The following TPRG1 variants were observed in gnomAD, a reference collection of about 807,000 sequenced individuals.
TPRG1 encodes tumor protein p63 regulated 1, also known as tumor protein p63-regulated gene 1 protein.
In TPRG1, 29 loss-of-function variants were observed where a neutral mutation model predicts 29.3. The observed-to-expected ratio is 0.99, with a 90% CI of 0.74 to 1.35. The LOEUF is 1.35. Ranked by LOEUF, TPRG1 falls within the 40% of genes most tolerant of loss-of-function variation. The pLI, the probability that TPRG1 is intolerant of heterozygous loss-of-function variation, is 0.00. For missense variants in TPRG1, 327 were observed against 335.0 expected (o/e 0.98, Z 0.19); for synonymous variants, 130 against 116.8 (o/e 1.11, Z -0.73).
chr3:189,300,902 A>G (rs1170676466), intron 4 of TPRG1, among the ~76,000 whole-genome samples: 1 of 152,214 alleles, frequency 6.6e-6, no homozygotes, highest in Non-Finnish European at 1.5e-5. Context: ...ATCTGGTTGT[A>G]AATCCTGGCT....
chr3:189,219,586 G>T (rs974920927), intron 3 of TPRG1: 1 of 1,285,720 alleles, frequency 7.8e-7, no homozygotes, highest in Non-Finnish European at 1.0e-6. Flanking sequence ...CATTAAGCCA[G>T]CACCAAGGAG....
chr3:189,264,530 T>TC (rs2109053752), intron 4 of TPRG1, among the ~76,000 whole-genome samples: 1 of 147,582 alleles, frequency 6.8e-6, no homozygotes, highest in South Asian at 2.1e-4. Flanking sequence ...AGTTCATATT[T>TC]CTTTTTTTTT....
At chr3:188,999,692 T>C (rs1711939476) in intron 1 of TPRG1, among the ~76,000 whole-genome samples, 2 of 152,120 alleles carry the variant, frequency 1.3e-5, no homozygotes, top group African/African-American at 4.8e-5. Context: ...AGTTATTATA[T>C]TTATTACTTT....
chr3:189,226,118 G>C (rs1267927154), intron 3 of TPRG1, among the ~76,000 whole-genome samples: 1 of 152,222 alleles, frequency 6.6e-6, no homozygotes, highest in Non-Finnish European at 1.5e-5. Context: ...GATCAGGAAA[G>C]ATTTAGAAAA....
chr3:189,217,831 G>C (rs1736301739), intron 3 of TPRG1: 11 of 985,122 alleles, frequency 1.1e-5, no homozygotes, highest in Non-Finnish European at 1.3e-5. Flanking sequence ...GATTTAAATG[G>C]CCTTTCATAT....
chr3:189,032,445 G>C (rs187257676), intron 4 of TPRG1, among the ~76,000 whole-genome samples: 5 of 152,270 alleles, frequency 3.3e-5, no homozygotes, highest in Non-Finnish European at 7.4e-5. Context: ...ATTTGTTACA[G>C]GAGCAATAGA....
intron 5 of TPRG1, among the ~76,000 whole-genome samples, chr3:189,312,133 C>CTTTG (rs1253052418): frequency 2.0e-4 from 7 of 35,724 alleles, no homozygotes; most frequent in African/African-American, 6.1e-4. Context: ...TTCTTTCTTT[C>CTTTG]TTTCTTTCTT....
chr3:189,158,530 A>T (rs1241648877), intron 5 of TPRG1, among the ~76,000 whole-genome samples: 1 of 151,808 alleles, frequency 6.6e-6, no homozygotes, highest in African/African-American at 2.4e-5. Context: ...AATTGCTGGA[A>T]CCCGGGAGGC....
chr3:189,091,471 C>A (rs953447098), intron 4 of TPRG1, among the ~76,000 whole-genome samples: 7 of 152,128 alleles, frequency 4.6e-5, no homozygotes, highest in Admixed American at 1.3e-4. Flanking sequence ...ACAATGCTCT[C>A]CACACCCTCC....
rs1426158537 is a variant in TPRG1, at chr3:189,299,286, C to A, written c.480-11100C>A. ...TCTTGGTAGCTTTGTAAGAGAAGCT[C>A]TTTCCTCTGTCTACCTGGCAACCTC... On this transcript the variant is annotated intron_variant, in intron 4 of 5. Coordinates refer to ENST00000345063, the MANE Select transcript of TPRG1 (RefSeq NM_198485.4). Among the ~76,000 whole-genome samples, 3 of 152,070 alleles carry A rather than the reference C, an allele frequency of 2.0e-5. No homozygotes were observed. In the East Asian group the frequency reaches 5.8e-4, roughly 29 times the overall value.
intron 4 of TPRG1, among the ~76,000 whole-genome samples, chr3:189,051,615 A>G (rs1471387588): frequency 6.6e-6 from 1 of 152,196 alleles, no homozygotes; most frequent in African/African-American, 2.4e-5. Context: ...ATATGGAACC[A>G]AAAAAGAGCT....
chr3:189,005,415 T>C (rs1186017020), intron 3 of TPRG1, among the ~76,000 whole-genome samples: 1 of 152,080 alleles, frequency 6.6e-6, no homozygotes, highest in Non-Finnish European at 1.5e-5. Flanking sequence ...TCTGAACTTT[T>C]GGCCCAATCT....
At chr3:189,264,895 T>C (rs1260629341) in intron 4 of TPRG1, among the ~76,000 whole-genome samples, 1 of 152,194 alleles carries the variant, frequency 6.6e-6, no homozygotes, top group Non-Finnish European at 1.5e-5. Flanking sequence ...ATTCATAACA[T>C]TCAGCATAAG....
intron 4 of TPRG1, among the ~76,000 whole-genome samples, chr3:189,056,012 C>CTCCCTCCGG: frequency 7.1e-6 from 1 of 141,176 alleles, no homozygotes; most frequent in African/African-American, 2.8e-5. Flanking sequence ...CTCTCTCTCC[C>CTCCCTCCGG]TCCCTCCCTT....
chr3:189,246,057 C>T (rs1425995894), intron 4 of TPRG1, among the ~76,000 whole-genome samples: 1 of 152,126 alleles, frequency 6.6e-6, no homozygotes, highest in African/African-American at 2.4e-5. Context: ...TGAACTGTAG[C>T]TCTCATAATC....
chr3:189,319,151 C>A (rs1200459320), intron 5 of TPRG1, among the ~76,000 whole-genome samples: 2 of 152,178 alleles, frequency 1.3e-5, no homozygotes, highest in African/African-American at 4.8e-5. Context: ...CATATCCTAT[C>A]ATGTTTAGGC....
chr3:189,312,165 C>CTT (rs1560689465), intron 5 of TPRG1, among the ~76,000 whole-genome samples: 2 of 68,648 alleles, frequency 2.9e-5, no homozygotes, highest in Non-Finnish European at 5.4e-5. Context: ...TTCTTTCTTT[C>CTT]TTTCTTTCTT....
chr3:189,195,292 C>T (rs549622855), intron 1 of TPRG1, among the ~76,000 whole-genome samples: 14 of 152,256 alleles, frequency 9.2e-5, no homozygotes, highest in African/African-American at 2.9e-4. Flanking sequence ...GGAGGTGTGG[C>T]TTCTCTTAGT....
At chr3:189,074,912 C>G (rs927908858) in intron 4 of TPRG1, among the ~76,000 whole-genome samples, 5 of 150,024 alleles carry the variant, frequency 3.3e-5, no homozygotes, top group Non-Finnish European at 7.4e-5. Context: ...CCCGGGTTCC[C>G]GCCATTCTCC....
Sources: allele counts gnomAD v4.1 joint callset (sites outside exome capture counted in the v4.1 genomes callset), GRCh38; gene constraint gnomAD v4.1.1; transcripts MANE v1.5; gene names NCBI Gene and HGNC (gene_info 2026-07-23, HGNC 2026-07-21).